ZFHX4: variants seen among roughly 807,000 people sequenced by gnomAD.
ZFHX4 encodes the protein zinc finger homeobox protein 4.
ZFHX4 carries 56 observed loss-of-function variants against 267.6 expected under a neutral mutation model. The observed-to-expected ratio is 0.21, with a 90% CI of 0.17 to 0.26. The LOEUF is 0.26. Ranked by LOEUF, ZFHX4 falls within the 10% of genes least tolerant of loss-of-function variation. The pLI is 1.00. For missense variants in ZFHX4, 4,332 were observed against 4,420.0 expected, an observed-to-expected ratio of 0.98 and a Z score of 0.56; for synonymous variants, 1,778 against 1,665.6, an observed-to-expected ratio of 1.07 and a Z score of -1.64.
In ZFHX4 at chr8:76,711,789, C is replaced by T. The variant is rs78005071; in HGVS notation, c.3093+3741C>T. Among the ~76,000 whole-genome samples the T allele has an allele frequency of 4.2e-3, 644 of 152,208 alleles. 3 individuals are homozygous for T. The highest frequency in any genetic ancestry group is 0.015 in the African/African-American group (614 of 41,536). ...ATAATGAAAACCACAGAGCACTACACGTTCAAATTGAGGAAGAACAAATGA... is the reference window on the plus strand; with the variant it reads ...ATAATGAAAACCACAGAGCACTACATGTTCAAATTGAGGAAGAACAAATGA... On this transcript the variant is annotated intron_variant, in intron 3 of 10. Transcript: ENST00000651372.
intron 10 of ZFHX4, 159 bp downstream of exon 10, chr8:76,856,459 C>T (rs953182999): frequency 2.3e-6 from 2 of 881,200 alleles, no homozygotes; most frequent in African/African-American, 1.7e-5. Flanking sequence ...TAGCTAATTA[C>T]CAGGAAGTAG....
At chr8:76,848,372 C>G (rs1290699845) in intron 6 of ZFHX4, among the ~76,000 whole-genome samples, 1 of 152,122 alleles carries the variant, frequency 6.6e-6, no homozygotes, top group Non-Finnish European at 1.5e-5. Context: ...TTGGATTAAC[C>G]TCATAAAACC....
At chr8:76,837,334 C>T (rs1453474896) in intron 5 of ZFHX4, among the ~76,000 whole-genome samples, 1 of 151,970 alleles carries the variant, frequency 6.6e-6, no homozygotes, top group Non-Finnish European at 1.5e-5. Flanking sequence ...AGAGTAACAT[C>T]GGTCGAGCAA....
chr8:76,769,735 G>A (rs1810210855), intron 3 of ZFHX4, among the ~76,000 whole-genome samples: 1 of 152,064 alleles, frequency 6.6e-6, no homozygotes, highest in Non-Finnish European at 1.5e-5. Flanking sequence ...CATTCACTTT[G>A]CAAATTATGA....
chr8:76,700,436 T>A (rs1808074159), intron 1 of ZFHX4, among the ~76,000 whole-genome samples: 1 of 152,182 alleles, frequency 6.6e-6, no homozygotes, highest in Non-Finnish European at 1.5e-5. Context: ...AAAACAGAGG[T>A]AAAACTGGCC....
At chr8:76,805,736 G>A (rs1811228605) in intron 4 of ZFHX4, among the ~76,000 whole-genome samples, 1 of 151,866 alleles carries the variant, frequency 6.6e-6, no homozygotes. Flanking sequence ...TCTTCTACAA[G>A]AAGAACAATT....
intron 3 of ZFHX4, among the ~76,000 whole-genome samples, chr8:76,736,337 T>A (rs1348048036): frequency 6.6e-6 from 1 of 152,116 alleles, no homozygotes; most frequent in African/African-American, 2.4e-5. Flanking sequence ...TAAATTGAAT[T>A]TTTATTAATA....
At chr8:76,833,578 A>T in intron 5 of ZFHX4, 172 bp downstream of exon 5, 1 of 565,350 alleles carries the variant, frequency 1.8e-6, no homozygotes, top group Non-Finnish European at 3.1e-6. Context: ...AATTGGAAGT[A>T]TATGTAAATT....
intron 4 of ZFHX4, among the ~76,000 whole-genome samples, chr8:76,779,274 C>G (rs1215258180): frequency 1.3e-5 from 2 of 151,534 alleles, no homozygotes; most frequent in Non-Finnish European, 2.9e-5. Flanking sequence ...CCTTTTTTTT[C>G]TTCCTTTTGG....
At chr8:76,753,508 T>A (rs1809677477) in intron 3 of ZFHX4, among the ~76,000 whole-genome samples, 1 of 152,118 alleles carries the variant, frequency 6.6e-6, no homozygotes, top group Non-Finnish European at 1.5e-5. Flanking sequence ...ATTCTCTTTG[T>A]CTTTTGCTAC....
chr8:76,681,756 T>G, intron 1 of ZFHX4, 136 bp downstream of exon 1: 1 of 316,418 alleles, frequency 3.2e-6, no homozygotes. Flanking sequence ...TCTTCCTCTC[T>G]ACCCCTACCT....
chr8:76,705,140 C>A lies in ZFHX4; in HGVS notation c.1052C>A (p.Thr351Lys). The change falls in exon 2 of 11, where the codon ACA (threonine) becomes AAA (lysine). Residue 351 changes from threonine (T) to lysine (K), a missense_variant. Around this residue, in one of 7 missense-constraint regions of ZFHX4, gnomAD observed 1,195 missense variants for 1,173.6 expected, o/e 1.02. Coordinates refer to ENST00000651372, the MANE Select transcript of ZFHX4 (RefSeq NM_024721.5). ...STSVYPHFST[T>K]NLIGPDPTFR... ...TCTGTTTATCCCCATTTTTCTACTA[C>A]AAACCTCATAGGACCCGATCCAACC... 6.2e-7 allele frequency: 1 copy of A among 1,613,742 alleles called. No homozygotes were observed.
At chr8:76,807,032 T>G (rs1585965428) in intron 4 of ZFHX4, among the ~76,000 whole-genome samples, 2 of 152,250 alleles carry the variant, frequency 1.3e-5, no homozygotes, top group African/African-American at 4.8e-5. Flanking sequence ...TATCACTTAA[T>G]TAGCATGATC....
At position 76,864,648 on chromosome 8, in the gene ZFHX4, C is replaced by A; in HGVS notation, c.*83C>A. 9.9e-7 allele frequency: 1 copy of A among 1,012,768 alleles called. No individual in the cohort carries two copies. The highest frequency in any genetic ancestry group is 1.4e-6 in the Non-Finnish European group (1 of 721,494). The allele number at this position is 1,012,768 out of a possible 1,614,324, so 62.7% of individuals were successfully genotyped here. On this transcript the variant is annotated 3_prime_UTR_variant, in exon 11 of 11. Coordinates refer to ENST00000651372, the MANE Select transcript of ZFHX4 (RefSeq NM_024721.5). ...TAAGACTTTAACTGCAGTTCCAAAG[C>A]TTCTCTAACCCAAAAATTACAGTAC...
chr8:76,842,776 G>T lies in ZFHX4; in HGVS notation c.3511+5G>T. The T allele has an allele frequency of 1.3e-6, 2 of 1,543,046 alleles. No homozygotes were observed. Among genetic ancestry groups the T allele is most frequent in the Non-Finnish European group, 1.8e-6 (2 of 1,139,788 alleles). ...AAAACTCTAATAAAGACTCTGGTAA[G>T]ATGCAAGAATCTTTCACCTCGGCAT... On this transcript the variant is annotated splice_donor_5th_base_variant and intron_variant, in intron 6 of 10. Transcript: ENST00000651372.
chr8:76,833,399 G>T lies in ZFHX4; in HGVS notation c.3387G>T (p.Ser1129=). 1 of 1,605,022 alleles carries T rather than the reference G, an allele frequency of 6.2e-7. No homozygotes were observed. The highest frequency in any genetic ancestry group is 1.1e-5 in the South Asian group (1 of 89,408). The stretch of plus-strand genomic sequence containing the variant: ...ATCTTACAGAGCAGCAGTTGAGATC[G>T]ACCTCAGGTAATGGTTCCTACTCCT... The part of the protein sequence containing the change: ...DDDLTEQQLR[S]TSEEQSEEAE... Residue 1129 remains serine, a synonymous_variant, in exon 5 of 11, where the codon TCG becomes TCT. Transcript: ENST00000651372.
chr8:76,757,493 C>T (rs1171722540), intron 3 of ZFHX4, among the ~76,000 whole-genome samples: 1 of 152,166 alleles, frequency 6.6e-6, no homozygotes, highest in Non-Finnish European at 1.5e-5. Context: ...CCACTGGAGA[C>T]TTTTAAGATG....
chr8:76,717,821 T>G (rs1036803737), intron 3 of ZFHX4, among the ~76,000 whole-genome samples: 1 of 152,138 alleles, frequency 6.6e-6, no homozygotes, highest in African/African-American at 2.4e-5. Flanking sequence ...GGTCTCGAAC[T>G]CCTGGGCTCA....
chr8:76,753,307 T>G (rs976058308), intron 3 of ZFHX4, among the ~76,000 whole-genome samples: 6 of 152,202 alleles, frequency 3.9e-5, no homozygotes, highest in African/African-American at 1.4e-4. Flanking sequence ...CTGTGAAATC[T>G]CTTAGCCCAT....
Sources: allele counts gnomAD v4.1 joint callset (sites outside exome capture counted in the v4.1 genomes callset), GRCh38; gene constraint gnomAD v4.1.1; regional missense constraint gnomAD v4.1.1; transcripts MANE v1.5; gene names NCBI Gene and HGNC (gene_info 2026-07-23, HGNC 2026-07-21).